The following IMMP2L variants were observed in gnomAD, a reference collection of about 807,000 sequenced individuals.
IMMP2L encodes the protein mitochondrial inner membrane protease subunit 2.
In IMMP2L, 18 loss-of-function variants were observed where a neutral mutation model predicts 19.3. The observed-to-expected ratio is 0.93, with a 90% CI of 0.64 to 1.38. IMMP2L has a LOEUF of 1.38. IMMP2L is among the 40% of genes most tolerant of loss of function. The pLI is 0.00. For synonymous variants in IMMP2L, 76 were observed against 73.0 expected (o/e 1.04, Z -0.21); for missense variants, 233 against 218.2 (o/e 1.07, Z -0.43).
chr7:110,955,040 G>A (rs571046953), intron 4 of IMMP2L, among the ~76,000 whole-genome samples: 2 of 151,796 alleles, frequency 1.3e-5, no homozygotes, highest in African/African-American at 2.4e-5. Context: ...TTTTTTAATC[G>A]ACATTTTTCA....
chr7:111,275,713 T>C (rs1375256142), intron 3 of IMMP2L, among the ~76,000 whole-genome samples: 5 of 152,204 alleles, frequency 3.3e-5, no homozygotes, highest in Non-Finnish European at 7.4e-5. Flanking sequence ...GTGTTATCTA[T>C]GATTTCTTTC....
At chr7:111,042,233 G>T (rs1177971068) in intron 3 of IMMP2L, among the ~76,000 whole-genome samples, 2 of 152,116 alleles carry the variant, frequency 1.3e-5, no homozygotes, top group African/African-American at 4.8e-5. Context: ...AGGCTGGAGT[G>T]CAGTGGCACA....
intron 3 of IMMP2L, among the ~76,000 whole-genome samples, chr7:111,393,313 C>A (rs1832566119): frequency 6.6e-6 from 1 of 151,974 alleles, no homozygotes; most frequent in African/African-American, 2.4e-5. Flanking sequence ...TCTCTTTTTT[C>A]CACTTTTTCA....
chr7:111,402,998 CCCCCCA>C (rs1164196132), intron 3 of IMMP2L, among the ~76,000 whole-genome samples: 2 of 99,636 alleles, frequency 2.0e-5, no homozygotes, highest in African/African-American at 8.7e-5. Context: ...TTGACCCCCC[CCCCCCA>C]CCCCGCCAGG....
At chr7:111,018,849 T>C (rs1585782260) in intron 3 of IMMP2L, among the ~76,000 whole-genome samples, 1 of 149,594 alleles carries the variant, frequency 6.7e-6, no homozygotes, top group Middle Eastern at 3.5e-3. Flanking sequence ...CAAGCATCAG[T>C]ATTTTTTATG....
chr7:111,358,079 G>C (rs1828894921), intron 3 of IMMP2L, among the ~76,000 whole-genome samples: 1 of 151,210 alleles, frequency 6.6e-6, no homozygotes, highest in South Asian at 2.1e-4. Flanking sequence ...TTTAGATTCA[G>C]AGTACATAAT....
At chr7:110,867,886 G>A (rs1044755831) in intron 5 of IMMP2L, among the ~76,000 whole-genome samples, 4 of 151,988 alleles carry the variant, frequency 2.6e-5, no homozygotes, top group African/African-American at 9.7e-5. Flanking sequence ...CTCACATGGA[G>A]GTTTCTGATG....
At chr7:110,750,631 T>G (rs2130915990) in intron 5 of IMMP2L, among the ~76,000 whole-genome samples, 1 of 152,126 alleles carries the variant, frequency 6.6e-6, no homozygotes, top group Admixed American at 6.6e-5. Flanking sequence ...AAGAAAAACT[T>G]ACAACAATTA....
At chr7:111,145,652 C>G (rs1337405446) in intron 3 of IMMP2L, among the ~76,000 whole-genome samples, 3 of 152,074 alleles carry the variant, frequency 2.0e-5, no homozygotes, top group Non-Finnish European at 4.4e-5. Context: ...CACTTGCTCT[C>G]AAGTGTCAAC....
intron 3 of IMMP2L, among the ~76,000 whole-genome samples, chr7:111,142,812 GTGCCCTCAAT>G (rs1803075617): frequency 6.6e-6 from 1 of 152,142 alleles, no homozygotes; most frequent in Non-Finnish European, 1.5e-5. Flanking sequence ...AGAAAAGGCA[GTGCCCTCAAT>G]TAGATGAACA....
At chr7:110,958,996 A>C (rs1818654940) in intron 4 of IMMP2L, among the ~76,000 whole-genome samples, 1 of 151,976 alleles carries the variant, frequency 6.6e-6, no homozygotes. Flanking sequence ...AGGTACCCTT[A>C]AGTGCTCTTT....
chr7:111,259,680 G>A (rs1285511837), intron 3 of IMMP2L, among the ~76,000 whole-genome samples: 1 of 151,612 alleles, frequency 6.6e-6, no homozygotes, highest in Non-Finnish European at 1.5e-5. Context: ...AATAAATTAA[G>A]CTTAACTTAC....
chr7:111,403,585 G>GT (rs1009909086), intron 3 of IMMP2L, among the ~76,000 whole-genome samples: 1 of 152,030 alleles, frequency 6.6e-6, no homozygotes, highest in East Asian at 1.9e-4. Context: ...CAAAATATAT[G>GT]TTTTGTTTAA....
intron 3 of IMMP2L, among the ~76,000 whole-genome samples, chr7:110,979,335 A>G (rs1821012786): frequency 6.6e-6 from 1 of 152,132 alleles, no homozygotes; most frequent in Non-Finnish European, 1.5e-5. Flanking sequence ...TGATTCATTT[A>G]TAATGGTTAG....
At chr7:111,199,757 T>A (rs1809906444) in intron 3 of IMMP2L, among the ~76,000 whole-genome samples, 1 of 152,140 alleles carries the variant, frequency 6.6e-6, no homozygotes, top group African/African-American at 2.4e-5. Flanking sequence ...TATGAGTGCA[T>A]GTGCATTAGG....
chr7:111,033,386 CACAGCCACTTT>C (rs111505293), intron 3 of IMMP2L, among the ~76,000 whole-genome samples: 1,835 of 150,348 alleles, frequency 0.012, 43 homozygotes, highest in African/African-American at 0.045. Context: ...TGCAAAGTGG[CACAGCCACTTT>C]GAAAGAGGGT....
chr7:110,687,395 T>G (rs941969160), intron 5 of IMMP2L, among the ~76,000 whole-genome samples: 1 of 152,156 alleles, frequency 6.6e-6, no homozygotes, highest in Non-Finnish European at 1.5e-5. Context: ...AGAATCCATG[T>G]CTAAGTCATC....
At chr7:110,807,580 T>C (rs1179522633) in intron 5 of IMMP2L, among the ~76,000 whole-genome samples, 4 of 152,050 alleles carry the variant, frequency 2.6e-5, no homozygotes, top group Non-Finnish European at 5.9e-5. Flanking sequence ...TGAAAGCAAC[T>C]GATATTCCCA....
intron 5 of IMMP2L, among the ~76,000 whole-genome samples, chr7:110,829,985 G>T (rs942778169): frequency 6.6e-6 from 1 of 152,070 alleles, no homozygotes. Context: ...CTCAATCAGC[G>T]CTTTTTTTCC....
Sources: allele counts gnomAD v4.1 joint callset (sites outside exome capture counted in the v4.1 genomes callset), GRCh38; gene constraint gnomAD v4.1.1; transcripts MANE v1.5; gene names NCBI Gene and HGNC (gene_info 2026-07-23, HGNC 2026-07-21).